The following ZNF215 variants were observed in gnomAD, a reference collection of about 807,000 sequenced individuals.
The protein encoded by ZNF215 is zinc finger protein 215.
ZNF215 carries 24 observed loss-of-function variants against 27.2 expected under a neutral mutation model. That is an observed-to-expected ratio of 0.88 (90% CI 0.64 to 1.24). ZNF215 has a LOEUF of 1.24. Ranked by LOEUF, ZNF215 falls within the 50% of genes most tolerant of loss-of-function variation. The pLI is 0.00. For missense variants in ZNF215, 675 were observed against 605.7 expected (o/e 1.11, Z -1.20); for synonymous variants, 210 against 204.0 (o/e 1.03, Z -0.25).
intron 5 of ZNF215, among the ~76,000 whole-genome samples, chr11:6,983,092 C>T (rs1218316190): frequency 6.6e-6 from 1 of 152,054 alleles, no homozygotes; most frequent in Non-Finnish European, 1.5e-5. Flanking sequence ...ACCGATTCCA[C>T]AGAAATACAA....
chr11:6,931,051 CA>C (rs1282721582), intron 2 of ZNF215, among the ~76,000 whole-genome samples: 1 of 152,200 alleles, frequency 6.6e-6, no homozygotes, highest in Non-Finnish European at 1.5e-5. Flanking sequence ...CTGTAACAGT[CA>C]AAACTGTTTC....
chr11:6,974,570 T>C (rs557248496), intron 5 of ZNF215, among the ~76,000 whole-genome samples: 284 of 152,314 alleles, frequency 1.9e-3, no homozygotes, highest in Non-Finnish European at 3.5e-3. Flanking sequence ...TTTTATTTCA[T>C]TGAGCAGTGG....
chr11:6,993,882 G>T (rs946073882), downstream of ZNF215, among the ~76,000 whole-genome samples: 1 of 152,178 alleles, frequency 6.6e-6, no homozygotes, highest in African/African-American at 2.4e-5. Context: ...CAAGGTGCAT[G>T]TGACCAGCTG....
At chr11:6,937,393 C>T (rs142404942) in intron 3 of ZNF215, among the ~76,000 whole-genome samples, 217 of 151,544 alleles carry the variant, frequency 1.4e-3, no homozygotes, top group African/African-American at 5.0e-3. Context: ...GTAAATCCTG[C>T]GTTCATGTAT....
intron 5 of ZNF215, among the ~76,000 whole-genome samples, chr11:6,974,778 TAAG>T (rs1406178392): frequency 6.6e-6 from 1 of 152,112 alleles, no homozygotes; most frequent in Non-Finnish European, 1.5e-5. Context: ...CTTATCAGCT[TAAG>T]GAGATTTTGG....
intron 5 of ZNF215, among the ~76,000 whole-genome samples, chr11:6,979,738 G>A (rs1006227527): frequency 1.3e-5 from 2 of 151,910 alleles, no homozygotes; most frequent in Non-Finnish European, 2.9e-5. Context: ...AATTTTTGTT[G>A]CTTTTAAATG....
chr11:6,993,226 G>A (rs2133367817), downstream of ZNF215, among the ~76,000 whole-genome samples: 1 of 152,174 alleles, frequency 6.6e-6, no homozygotes, highest in South Asian at 2.1e-4. Context: ...TCTGTATCTG[G>A]GTAGCTTTCA....
At chr11:6,929,692 A>T (rs986746300) in intron 2 of ZNF215, among the ~76,000 whole-genome samples, 1 of 152,178 alleles carries the variant, frequency 6.6e-6, no homozygotes, top group African/African-American at 2.4e-5. Flanking sequence ...TACTGCCAAC[A>T]TGACTTATCG....
chr11:6,981,131 G>A (rs1850942827), intron 5 of ZNF215, among the ~76,000 whole-genome samples: 2 of 150,862 alleles, frequency 1.3e-5, no homozygotes, highest in South Asian at 4.2e-4. Context: ...ACCCAGTAAT[G>A]GGATGGCTGG....
At position 6,955,931 on chromosome 11, in the gene ZNF215, T is replaced by A. The variant is rs747199408; in HGVS notation, c.954T>A (p.Ile318=). 6.2e-7 allele frequency: 1 copy of A among 1,612,590 alleles called. No individual in the cohort carries two copies. The highest frequency in any genetic ancestry group is 1.1e-5 in the South Asian group (1 of 90,558). Residue 318 remains isoleucine, a synonymous_variant, in exon 7 of 7, where the codon ATT becomes ATA. Coordinates refer to ENST00000278319, the MANE Select transcript of ZNF215 (RefSeq NM_013250.4). The part of the protein sequence containing the change: ...KSFDINSVSS[I]CAIQVGIPSR... The stretch of plus-strand genomic sequence containing the variant: ...TTGATATTAATTCAGTTAGCTCAAT[T>A]TGTGCTATACAAGTGGGAATTCCTT...
downstream of ZNF215, among the ~76,000 whole-genome samples, chr11:6,959,553 AC>A (rs1850472192): frequency 6.6e-6 from 1 of 152,296 alleles, no homozygotes; most frequent in South Asian, 2.1e-4. Context: ...TCGTTGAAAA[AC>A]TGTTAGATTT....
chr11:6,992,318 G>A (rs1355200024), downstream of ZNF215, among the ~76,000 whole-genome samples: 2 of 152,144 alleles, frequency 1.3e-5, no homozygotes, highest in Non-Finnish European at 2.9e-5. Flanking sequence ...ATGGCAATAG[G>A]TAACCAAAAC....
intron 6 of ZNF215, 37 bp downstream of exon 6, chr11:6,943,678 C>T (rs1849713699): frequency 1.4e-6 from 2 of 1,481,054 alleles, no homozygotes; most frequent in Non-Finnish European, 1.9e-6. Flanking sequence ...TAGTAAGAAG[C>T]TTCTGTTTCC....
At chr11:6,928,982 GTT>G (rs1849160792) in intron 2 of ZNF215, among the ~76,000 whole-genome samples, 1 of 152,146 alleles carries the variant, frequency 6.6e-6, no homozygotes, top group African/African-American at 2.4e-5. Context: ...ATGGTCTTTT[GTT>G]ATGAGTTTGG....
chr11:6,970,404 T>C (rs1850697714), intron 5 of ZNF215, among the ~76,000 whole-genome samples: 2 of 152,216 alleles, frequency 1.3e-5, no homozygotes, highest in South Asian at 4.1e-4. Context: ...AAAGACATTC[T>C]TGTAACAAGT....
At position 6,973,665 on chromosome 11, in the gene ZNF215, T is replaced by C. The variant is rs1329155286; in HGVS notation, c.806-10464T>C. 2.6e-3 allele frequency among the ~76,000 whole-genome samples: 398 copies of C among 152,348 alleles called. 2 individuals are homozygous for C. Among genetic ancestry groups the C allele is most frequent in the Non-Finnish European group, 4.5e-3 (304 of 68,028 alleles). On this transcript the variant is annotated intron_variant, in intron 5 of 5. Coordinates refer to the ZNF215 transcript ENST00000529903. ...ATGGCCAGTGATGATGAGCATTTTTTCCTGTGTCTGTTGGCTGCATAAATG... is the reference window on the plus strand; with the variant it reads ...ATGGCCAGTGATGATGAGCATTTTTCCCTGTGTCTGTTGGCTGCATAAATG...
At chr11:6,928,249 AT>A (rs1849129133) in intron 2 of ZNF215, among the ~76,000 whole-genome samples, 1 of 152,074 alleles carries the variant, frequency 6.6e-6, no homozygotes, top group African/African-American at 2.4e-5. Context: ...ATCTAGTTTT[AT>A]TTATCTATTA....
downstream of ZNF215, chr11:6,988,710 G>A (rs1851086473): frequency 6.6e-6 from 1 of 152,168 alleles, no homozygotes; most frequent in South Asian, 2.1e-4. Flanking sequence ...AACTAGAGAT[G>A]ACTCAAACAC....
chr11:6,929,597 C>T (rs1849179570), intron 2 of ZNF215, among the ~76,000 whole-genome samples: 1 of 152,096 alleles, frequency 6.6e-6, no homozygotes, highest in Non-Finnish European at 1.5e-5. Context: ...TGATGTTTTT[C>T]TCATTATTAG....
Sources: allele counts gnomAD v4.1 joint callset (sites outside exome capture counted in the v4.1 genomes callset), GRCh38; gene constraint gnomAD v4.1.1; transcripts MANE v1.5; gene names NCBI Gene and HGNC (gene_info 2026-07-23, HGNC 2026-07-21).